Variants in RSPH14 observed in about 807,000 individuals in gnomAD.
RSPH14 encodes the protein rhabdoid tumor deletion region gene 1.
RSPH14 carries 20 observed loss-of-function variants against 26.7 expected under a neutral mutation model. That is an observed-to-expected ratio of 0.75 (90% CI 0.53 to 1.09). The LOEUF is 1.09. Among genes scored for constraint, RSPH14 ranks in the 50% least tolerant of loss-of-function variants. The pLI is 0.00. For missense variants in RSPH14, 449 were observed against 457.2 expected, an observed-to-expected ratio of 0.98 and a Z score of 0.16; for synonymous variants, 177 against 189.3, an observed-to-expected ratio of 0.93 and a Z score of 0.53.
chr22:23,103,694 C>T (rs1204726607), intron 4 of RSPH14, among the ~76,000 whole-genome samples: 1 of 152,242 alleles, frequency 6.6e-6, no homozygotes, highest in Non-Finnish European at 1.5e-5. Context: ...CATCTGAGAA[C>T]AAGCCCTGTG....
chr22:23,089,717 T>C (rs1451893767), intron 4 of RSPH14, among the ~76,000 whole-genome samples: 1 of 152,120 alleles, frequency 6.6e-6, no homozygotes, highest in Non-Finnish European at 1.5e-5. Flanking sequence ...GGGATGTCCA[T>C]GTGTGGGCTG....
At chr22:23,161,422 G>T in the RSPH14 span, 2 of 1,290,520 alleles carry the variant, frequency 1.5e-6, no homozygotes, top group East Asian at 4.8e-5. Flanking sequence ...AGCTCTGACT[G>T]TCAGGGCCGG....
At chr22:23,110,084 C>T (rs2069603440) in intron 4 of RSPH14, among the ~76,000 whole-genome samples, 1 of 152,192 alleles carries the variant, frequency 6.6e-6, no homozygotes, top group South Asian at 2.1e-4. Flanking sequence ...AGCTCTGTCC[C>T]CAGACACCTC....
intron 4 of RSPH14, among the ~76,000 whole-genome samples, chr22:23,112,910 T>C (rs2069694988): frequency 6.6e-6 from 1 of 152,152 alleles, no homozygotes; most frequent in African/African-American, 2.4e-5. Flanking sequence ...AGCTACCCCA[T>C]GCTGTGCTGT....
chr22:23,165,315 G>A, the RSPH14 span, among the ~76,000 whole-genome samples: 1 of 152,228 alleles, frequency 6.6e-6, no homozygotes, highest in Non-Finnish European at 1.5e-5. Context: ...GAACAATCCT[G>A]TGCTTGGCTC....
At chr22:23,088,907 A>T (rs538050772) in intron 4 of RSPH14, among the ~76,000 whole-genome samples, 2 of 152,258 alleles carry the variant, frequency 1.3e-5, no homozygotes, top group East Asian at 3.9e-4. Flanking sequence ...AGTGGCTTCT[A>T]TTGGGCCTCA....
chr22:23,161,488 C>A, the RSPH14 span: 2 of 1,602,974 alleles, frequency 1.2e-6, no homozygotes, highest in Non-Finnish European at 1.7e-6. Flanking sequence ...ATTACTTCTC[C>A]CCTCCTTACA....
At chr22:23,077,605 A>G (rs1386561245) in intron 4 of RSPH14, among the ~76,000 whole-genome samples, 1 of 152,084 alleles carries the variant, frequency 6.6e-6, no homozygotes, top group African/African-American at 2.4e-5. Context: ...TGGGGTCAGC[A>G]AGGGAGGAGG....
intron 4 of RSPH14, among the ~76,000 whole-genome samples, chr22:23,129,496 G>A (rs188413056): frequency 2.7e-5 from 4 of 150,718 alleles, no homozygotes; most frequent in African/African-American, 9.8e-5. Context: ...AAGCAAACTC[G>A]TACATTTTAG....
At position 23,131,542 on chromosome 22, in the gene RSPH14, TATC is replaced by T. The variant is rs1417373328; in HGVS notation, c.421+2481_421+2483del. 8 of 1,120,254 alleles carry T rather than the reference TATC, an allele frequency of 7.1e-6. No homozygotes were observed. In the East Asian group the frequency reaches 4.8e-4, roughly 67 times the overall value. 69.4% of individuals were successfully genotyped at this position (1,120,254 alleles called of 1,614,324 possible). On this transcript the variant is annotated intron_variant, in intron 4 of 6. Coordinates refer to ENST00000216036, the MANE Select transcript of RSPH14 (RefSeq NM_014433.3). Reference sequence around the variant, plus strand: ...CTGGCTGGTGGTATCCAATGTTCCTTATCACCATCTCTGTACTTCTCTGAATGC... The same window carrying T: ...CTGGCTGGTGGTATCCAATGTTCCTTACCATCTCTGTACTTCTCTGAATGC...
the RSPH14 span, chr22:23,163,014 C>T: frequency 1.0e-5 from 3 of 293,842 alleles, no homozygotes; most frequent in Non-Finnish European, 2.0e-5. Flanking sequence ...CAGGTTGAAG[C>T]GATTCTCCTG....
intron 4 of RSPH14, among the ~76,000 whole-genome samples, chr22:23,103,131 G>A (rs1414649708): frequency 6.6e-6 from 1 of 152,232 alleles, no homozygotes; most frequent in African/African-American, 2.4e-5. Context: ...GCAGTGAGGG[G>A]CTAGAGCTGG....
chr22:23,151,739 C>T, the RSPH14 span, among the ~76,000 whole-genome samples: 11 of 152,112 alleles, frequency 7.2e-5, no homozygotes, highest in African/African-American at 2.7e-4. Context: ...ATAAACAGTC[C>T]GAGAAACGCC....
chr22:23,072,411 G>A (rs1038654785), intron 4 of RSPH14, among the ~76,000 whole-genome samples: 3 of 152,220 alleles, frequency 2.0e-5, no homozygotes, highest in Admixed American at 6.5e-5. Context: ...GTCTTCCTGT[G>A]TGTTCCTCTA....
intron 4 of RSPH14, chr22:23,095,672 G>C (rs757454410): frequency 1.3e-6 from 2 of 1,583,890 alleles, no homozygotes; most frequent in Admixed American, 1.8e-5. Context: ...CGTGCTCCTT[G>C]TCTGGGCCCG....
Position 23,141,930 on chromosome 22 carries a change from C to T in RSPH14, c.-53+19G>A, listed in dbSNP as rs544542337. On this transcript the variant is annotated intron_variant, in intron 1 of 6. Coordinates refer to ENST00000216036, the MANE Select transcript of RSPH14 (RefSeq NM_014433.3). ...GGCCCCCCTGTCCCCGGGCCCCTAG[C>T]CCACCACCGCCGCCTCACCTGCCTC... 1.0e-5 allele frequency: 10 copies of T among 981,338 alleles called. No individual in the cohort carries two copies. The South Asian group carries it at 3.8e-4, about 37-fold the overall frequency. 60.8% of individuals were successfully genotyped at this position (981,338 alleles called of 1,614,324 possible).
chr22:23,077,545 C>T (rs935773774), intron 4 of RSPH14, among the ~76,000 whole-genome samples: 5 of 152,114 alleles, frequency 3.3e-5, no homozygotes, highest in Admixed American at 1.3e-4. Flanking sequence ...TGGATGGCCA[C>T]GGAAACAAGG....
intron 4 of RSPH14, among the ~76,000 whole-genome samples, chr22:23,064,406 T>C (rs1364708422): frequency 6.6e-6 from 1 of 152,112 alleles, no homozygotes; most frequent in Non-Finnish European, 1.5e-5. Context: ...TCAGGGGGCA[T>C]CTACCATAGC....
At chr22:23,172,713 G>A in the RSPH14 span, among the ~76,000 whole-genome samples, 2 of 150,792 alleles carry the variant, frequency 1.3e-5, no homozygotes, top group African/African-American at 4.9e-5. Flanking sequence ...ACTTTGGGAG[G>A]CCGAGGCAGG....
Sources: gnomAD v4.1 joint callset for allele counts (sites outside exome capture counted in the v4.1 genomes callset) on GRCh38, gnomAD v4.1.1 for gene constraint, MANE v1.5 for transcripts, NCBI Gene and HGNC (gene_info 2026-07-23, HGNC 2026-07-21) for gene names.